CASD1: variants seen among roughly 807,000 people sequenced by gnomAD.
The protein encoded by CASD1 is CAS1 domain sialic acid O acetyltransferase 1, also known as N-acetylneuraminate (7)9-O-acetyltransferase.
Under a neutral mutation model 100.0 loss-of-function variants are expected in CASD1, and 41 were observed. That is an observed-to-expected ratio of 0.41 (90% CI 0.32 to 0.53). The LOEUF (loss-of-function observed/expected upper bound fraction) is 0.53, where lower values mean the gene tolerates loss of function less well. Ranked by LOEUF, CASD1 falls within the 20% of genes least tolerant of loss-of-function variation. The pLI, the probability that CASD1 is intolerant of heterozygous loss-of-function variation, is 0.25. For synonymous variants in CASD1, 321 were observed against 315.6 expected, an observed-to-expected ratio of 1.02 and a Z score of -0.18; for missense variants, 774 against 948.7, an observed-to-expected ratio of 0.82 and a Z score of 2.42.
At chr7:94,592,032 G>A in the CASD1 span, among the ~76,000 whole-genome samples, 104 of 152,256 alleles carry the variant, frequency 6.8e-4, no homozygotes, top group African/African-American at 2.4e-3. Context: ...AAAAAATACT[G>A]AGATTCAACA....
intron 3 of CASD1, among the ~76,000 whole-genome samples, chr7:94,524,659 A>G (rs974160998): frequency 1.3e-5 from 2 of 152,164 alleles, no homozygotes; most frequent in Non-Finnish European, 2.9e-5. Flanking sequence ...CTCTTTTGTT[A>G]AGAGACATAT....
chr7:94,633,319 G>T, the CASD1 span, among the ~76,000 whole-genome samples: 1 of 152,076 alleles, frequency 6.6e-6, no homozygotes, highest in African/African-American at 2.4e-5. Flanking sequence ...AGCATAGCTA[G>T]ATTTACAAAG....
Position 94,518,348 on chromosome 7 carries a change from T to C in CASD1, c.351+25T>C, listed in dbSNP as rs201534359. On this transcript the variant is annotated intron_variant, in intron 3 of 17. Coordinates refer to ENST00000297273, the MANE Select transcript of CASD1 (RefSeq NM_022900.5). ...GGTAAAACTTGTCTATTCCCTTCTG[T>C]AGAGTGTTTTAGAAGTTAACCAACT... The C allele has an allele frequency of 5.1e-4, 778 of 1,538,396 alleles. 1 individual carries two copies. The highest frequency in any genetic ancestry group is 8.9e-4 in the Admixed American group (44 of 49,306).
rs1793596680 is a variant in CASD1, at chr7:94,509,903, G to A, written c.-182G>A. The A allele has an allele frequency of 9.1e-7, 1 of 1,097,780 alleles. No homozygotes were observed. The highest frequency in any genetic ancestry group is 1.7e-5 in the African/African-American group (1 of 59,834). 68.0% of individuals were successfully genotyped at this position (1,097,780 alleles called of 1,614,324 possible). Reference sequence around the variant, plus strand: ...GCCGAGTCGGCCGCGGCCGAGGAGGGGCAGGCGGAGGTCGGGGGCGCCGCG... The same window carrying A: ...GCCGAGTCGGCCGCGGCCGAGGAGGAGCAGGCGGAGGTCGGGGGCGCCGCG... On this transcript the variant is annotated 5_prime_UTR_variant, in exon 1 of 18. Transcript: ENST00000297273.
chr7:94,623,324 C>T, the CASD1 span: 1 of 1,561,846 alleles, frequency 6.4e-7, no homozygotes, highest in Non-Finnish European at 8.8e-7. Context: ...TTCATACCTA[C>T]CTTCTGCAGA....
At chr7:94,518,621 A>G (rs1037129252) in intron 3 of CASD1, among the ~76,000 whole-genome samples, 3 of 152,152 alleles carry the variant, frequency 2.0e-5, no homozygotes, top group African/African-American at 4.8e-5. Context: ...CAAAGAGAAA[A>G]TATCACCCCT....
At chr7:94,551,221 C>A in intron 14 of CASD1, 117 bp from the exon 15 acceptor site, 1 of 716,002 alleles carries the variant, frequency 1.4e-6, no homozygotes. Context: ...ATAGACACTT[C>A]AAACTTTAAG....
At chr7:94,530,886 A>G (rs13240748) in intron 5 of CASD1, among the ~76,000 whole-genome samples, 529 of 152,260 alleles carry the variant, frequency 3.5e-3, no homozygotes, top group Middle Eastern at 0.01. Flanking sequence ...GTAAAATCAC[A>G]TACAGGGGAG....
At chr7:94,510,301 C>T (rs1793627772) in intron 1 of CASD1, 84 bp downstream of exon 1, 1 of 1,061,316 alleles carries the variant, frequency 9.4e-7, no homozygotes, top group Admixed American at 4.3e-5. Flanking sequence ...TCGCCCAACA[C>T]ACGCCCACGC....
chr7:94,598,700 A>G, the CASD1 span: 1 of 1,040,848 alleles, frequency 9.6e-7, no homozygotes, highest in Non-Finnish European at 1.5e-6. Context: ...ACAACAACAG[A>G]AAGCTCTGTT....
At chr7:94,541,455 GA>G (rs1252441959) in intron 10 of CASD1, among the ~76,000 whole-genome samples, 1 of 145,622 alleles carries the variant, frequency 6.9e-6, no homozygotes, top group Non-Finnish European at 1.5e-5. Context: ...TAATATATAT[GA>G]AATATAGATG....
chr7:94,633,032 C>T, the CASD1 span, among the ~76,000 whole-genome samples: 1 of 152,034 alleles, frequency 6.6e-6, no homozygotes, highest in Non-Finnish European at 1.5e-5. Context: ...TAAGAATCCA[C>T]AACACTAAGA....
rs185179617 is a variant in CASD1 at position 94,546,059 on chromosome 7, C to T, written c.1633+358C>T. Reference sequence around the variant, plus strand: ...AGAGAAGGGAAAGCCAAATAGGCCTCCATGCCCCTATGTTTTGCTTCAATC... The same window carrying T: ...AGAGAAGGGAAAGCCAAATAGGCCTTCATGCCCCTATGTTTTGCTTCAATC... On this transcript the variant is annotated intron_variant, in intron 12 of 17. Transcript: ENST00000297273. Among the ~76,000 whole-genome samples, 219 of 152,002 alleles carry T rather than the reference C, an allele frequency of 1.4e-3. 4 individuals are homozygous for T. The highest frequency in any genetic ancestry group is 0.012 in the Admixed American group (185 of 15,272).
chr7:94,604,750 T>C, the CASD1 span, among the ~76,000 whole-genome samples: 2 of 130,358 alleles, frequency 1.5e-5, no homozygotes, highest in Non-Finnish European at 3.2e-5. Flanking sequence ...AGGCATAGGC[T>C]CACTAAAAGA....
chr7:94,617,787 C>T, the CASD1 span: 7 of 57,088 alleles, frequency 1.2e-4, no homozygotes, highest in Non-Finnish European at 1.8e-4. Flanking sequence ...CCCCATCTGC[C>T]TTTTACCTAC....
the CASD1 span, chr7:94,617,562 C>G: frequency 6.6e-6 from 1 of 152,128 alleles, no homozygotes; most frequent in Non-Finnish European, 1.5e-5. Flanking sequence ...GAAAGAGAAC[C>G]ATGTTGTAAC....
At chr7:94,623,614 C>T in the CASD1 span, 1 of 505,426 alleles carries the variant, frequency 2.0e-6, no homozygotes, top group Non-Finnish European at 3.5e-6. Flanking sequence ...TATACTGAAA[C>T]AAAAAGTTAA....
the CASD1 span, chr7:94,621,312 G>C: frequency 1.3e-5 from 2 of 152,198 alleles, no homozygotes; most frequent in African/African-American, 4.8e-5. Context: ...TACACAAAAA[G>C]CAGAGGAACA....
chr7:94,621,454 T>C, the CASD1 span: 3 of 152,338 alleles, frequency 2.0e-5, no homozygotes, highest in East Asian at 5.8e-4. Flanking sequence ...TGTCTAGCAG[T>C]CTTCCATTAG....
Sources: allele counts gnomAD v4.1 joint callset (sites outside exome capture counted in the v4.1 genomes callset), GRCh38; gene constraint gnomAD v4.1.1; transcripts MANE v1.5; gene names NCBI Gene and HGNC (gene_info 2026-07-23, HGNC 2026-07-21).